NEDD9: variants seen among roughly 807,000 people sequenced by gnomAD.
NEDD9 encodes neural precursor cell expressed, developmentally down-regulated 9, also known as enhancer of filamentation 1.
Under a neutral mutation model 76.6 loss-of-function variants are expected in NEDD9, and 26 were observed. The ratio of observed to expected loss-of-function variants is 0.34; its 90% CI spans 0.25 to 0.47. NEDD9 has a LOEUF of 0.47. Among genes scored for constraint, NEDD9 ranks in the 20% least tolerant of loss-of-function variants. NEDD9 has a pLI of 1.00. For missense variants in NEDD9, 937 were observed against 1,058.5 expected (o/e 0.89, Z 1.59); for synonymous variants, 392 against 414.2 (o/e 0.95, Z 0.65).
chr6:11,216,545 A>G (rs1046373688), intron 1 of NEDD9, among the ~76,000 whole-genome samples: 5 of 152,258 alleles, frequency 3.3e-5, no homozygotes, highest in Non-Finnish European at 5.9e-5. Context: ...TAGCTCAGCC[A>G]CGCAGCATCC....
chr6:11,355,928 A>G (rs370500519), intron 1 of NEDD9, among the ~76,000 whole-genome samples: 30 of 152,146 alleles, frequency 2.0e-4, no homozygotes, highest in Middle Eastern at 3.4e-3. Context: ...TCACCGTGTT[A>G]GCCAGGATGG....
intron 3 of NEDD9, among the ~76,000 whole-genome samples, chr6:11,259,837 T>C (rs1460339843): frequency 6.6e-6 from 1 of 152,018 alleles, no homozygotes; most frequent in Non-Finnish European, 1.5e-5. Flanking sequence ...ATGAGGATAT[T>C]GAGAATGATG....
intron 1 of NEDD9, among the ~76,000 whole-genome samples, chr6:11,369,665 G>A (rs1027749783): frequency 6.6e-5 from 10 of 152,156 alleles, no homozygotes; most frequent in Non-Finnish European, 1.2e-4. Flanking sequence ...AAAATATTTG[G>A]GAGTCTATAT....
chr6:11,352,986 T>C (rs1408624589), intron 1 of NEDD9, among the ~76,000 whole-genome samples: 2 of 152,266 alleles, frequency 1.3e-5, no homozygotes, highest in African/African-American at 4.8e-5. Flanking sequence ...AAATGTGTCC[T>C]TGGCTTTTGC....
chr6:11,236,774 A>C (rs915796694), upstream of NEDD9, among the ~76,000 whole-genome samples: 1 of 152,156 alleles, frequency 6.6e-6, no homozygotes, highest in East Asian at 1.9e-4. This position sits in a 1 kb window ranked among gnomAD's most constrained non-coding sequence, Gnocchi z 5.5. Context: ...CTACGTGTTT[A>C]ATTCCTGGAA....
chr6:11,326,798 A>C (rs1311632608), intron 2 of NEDD9, among the ~76,000 whole-genome samples: 2 of 152,220 alleles, frequency 1.3e-5, no homozygotes, highest in Non-Finnish European at 2.9e-5. Context: ...CCCTCCACTC[A>C]GGAACAAAAG....
At chr6:11,272,702 GGT>G (rs1760334841) in intron 3 of NEDD9, among the ~76,000 whole-genome samples, 2 of 152,194 alleles carry the variant, frequency 1.3e-5, no homozygotes, top group Non-Finnish European at 2.9e-5. Context: ...AGACCCTGGA[GGT>G]GTGGGATGAG....
intron 3 of NEDD9, among the ~76,000 whole-genome samples, chr6:11,283,065 G>A (rs1347809968): frequency 6.6e-6 from 1 of 152,066 alleles, no homozygotes; most frequent in East Asian, 1.9e-4. Flanking sequence ...TATGACCTTG[G>A]CATTTGCCAG....
In NEDD9 at chr6:11,312,868, C is replaced by T. The variant is rs144142539; in HGVS notation, c.-152-6713G>A. 5.7e-3 allele frequency among the ~76,000 whole-genome samples: 871 copies of T among 152,126 alleles called. 5 individuals are homozygous for T. Among genetic ancestry groups the T allele is most frequent in the Middle Eastern group, 0.01 (3 of 294 alleles). ...GATACTACTCTTTCTACTTTTGAAA[C>T]ATTCTACAATAAAATGTTTTTAAAA... On this transcript the variant is annotated intron_variant, in intron 2 of 3. Coordinates refer to the NEDD9 transcript ENST00000397378.
intron 2 of NEDD9, among the ~76,000 whole-genome samples, chr6:11,306,600 G>T (rs972529539): frequency 6.6e-6 from 1 of 152,080 alleles, no homozygotes; most frequent in African/African-American, 2.4e-5. Flanking sequence ...TCTTGTCATT[G>T]ATTTCATTGA....
intron 1 of NEDD9, among the ~76,000 whole-genome samples, chr6:11,359,911 G>C (rs926015211): frequency 3.9e-5 from 6 of 152,212 alleles, no homozygotes; most frequent in Non-Finnish European, 7.3e-5. Context: ...AAGTGGCGTG[G>C]TTGACAGTTG....
intron 3 of NEDD9, 32 bp downstream of exon 3, chr6:11,193,559 T>G (rs199705315): frequency 2.0e-6 from 3 of 1,533,654 alleles, no homozygotes; most frequent in Non-Finnish European, 2.7e-6. Context: ...TTAGAAGCGC[T>G]TCTCCTCTTG....
At chr6:11,349,303 G>A (rs1762421437) in intron 1 of NEDD9, among the ~76,000 whole-genome samples, 2 of 152,282 alleles carry the variant, frequency 1.3e-5, no homozygotes, top group South Asian at 2.1e-4. Flanking sequence ...AAAAGGGAAT[G>A]CTTATATACC....
chr6:11,220,838 A>G (rs1759118718), intron 1 of NEDD9, among the ~76,000 whole-genome samples: 1 of 152,180 alleles, frequency 6.6e-6, no homozygotes, highest in Admixed American at 6.5e-5. Context: ...AATGAATGCC[A>G]TCTATTCTTG....
At chr6:11,373,843 TG>T (rs1762924143) in intron 1 of NEDD9, among the ~76,000 whole-genome samples, 1 of 152,174 alleles carries the variant, frequency 6.6e-6, no homozygotes, top group African/African-American at 2.4e-5. Flanking sequence ...CCTTCCATAA[TG>T]TAGGTGGGCC....
chr6:11,328,018 T>C (rs1376820007), intron 2 of NEDD9, among the ~76,000 whole-genome samples: 5 of 152,176 alleles, frequency 3.3e-5, no homozygotes, highest in Non-Finnish European at 7.3e-5. Context: ...TAACAGTGGG[T>C]AAATCTGAGG....
chr6:11,333,388 A>G (rs897494963), intron 2 of NEDD9, among the ~76,000 whole-genome samples: 48 of 152,230 alleles, frequency 3.2e-4, no homozygotes, highest in African/African-American at 1.2e-3. Flanking sequence ...TTCTTTCCCA[A>G]TATCTGCCCT....
intron 1 of NEDD9, among the ~76,000 whole-genome samples, chr6:11,340,990 C>T (rs756558381): frequency 2.0e-5 from 3 of 152,170 alleles, no homozygotes; most frequent in Non-Finnish European, 4.4e-5. Flanking sequence ...GCCTCCCTAC[C>T]GTTCTAAGTC....
intron 3 of NEDD9, among the ~76,000 whole-genome samples, chr6:11,246,922 G>A: frequency 6.6e-6 from 1 of 152,068 alleles, no homozygotes; most frequent in East Asian, 1.9e-4. Flanking sequence ...GACTGTTCAT[G>A]GCTCCAGGGC....
Sources: gnomAD v4.1 joint callset for allele counts (sites outside exome capture counted in the v4.1 genomes callset) on GRCh38, gnomAD v4.1.1 for gene constraint, Gnocchi (gnomAD v3.1) non-coding constraint, MANE v1.5 for transcripts, NCBI Gene and HGNC (gene_info 2026-07-23, HGNC 2026-07-21) for gene names.